Variants in GUCY2D observed in about 807,000 individuals in gnomAD.
GUCY2D encodes retinal guanylyl cyclase 1.
In GUCY2D, 70 loss-of-function variants were observed where a neutral mutation model predicts 101.3. The ratio of observed to expected loss-of-function variants is 0.69; its 90% CI spans 0.57 to 0.84. The LOEUF is 0.84. GUCY2D is among the 40% of genes least tolerant of loss of function. The probability of loss-of-function intolerance (pLI) is 0.00; values close to 1 mark genes in which losing one functional copy is unlikely to be tolerated. For synonymous variants in GUCY2D, 688 were observed against 670.7 expected (o/e 1.03, Z -0.40); for missense variants, 1,460 against 1,542.5 (o/e 0.95, Z 0.90).
Position 8,014,308 on chromosome 17 carries a change from G to C in GUCY2D, c.2412+280G>C. On this transcript the variant is annotated intron_variant, in intron 12 of 19. Transcript: ENST00000254854. The surrounding 1 kb of genome is among the most constrained non-coding windows in gnomAD (Gnocchi z 4.0). The stretch of plus-strand genomic sequence containing the variant: ...ACCAAGTATGTGCTTGGCCTGCTGT[G>C]ACAGAAAGACCCTTGGCCTGGGAGC... 1.7e-6 allele frequency: 1 copy of C among 601,718 alleles called. No individual in the cohort carries two copies. The highest frequency in any genetic ancestry group is 2.0e-5 in the South Asian group (1 of 51,256). The allele number at this position is 601,718 out of a possible 1,614,324, so 37.3% of individuals were successfully genotyped here. A position where few individuals can be genotyped will look rare whatever the true frequency, so the allele number is the denominator to read the frequency against.
Position 8,003,556 on chromosome 17 carries a change from A to T in GUCY2D, c.509A>T (p.Asp170Val). 6.4e-7 allele frequency: 1 copy of T among 1,572,346 alleles called. No homozygotes were observed. Among genetic ancestry groups the T allele is most frequent in the South Asian group, 1.1e-5 (1 of 87,568 alleles). Residue 170 changes from aspartate (D) to valine (V), a missense_variant, in exon 2 of 20, where the codon GAT becomes GTT. Transcript: ENST00000254854. ...GCCCCTGCCGTGACCCCCGCCGCGG[A>T]TGCCCTCTACGCCCTGCTTCGCGCA... is the stretch of plus-strand genomic sequence containing the variant. ...TTAPAVTPAA[D>V]ALYALLRAFG... is the part of the protein sequence containing the mutation.
intron 15 of GUCY2D, 63 bp from the exon 16 acceptor site, chr17:8,015,680 C>A: frequency 7.6e-7 from 1 of 1,319,418 alleles, no homozygotes. Context: ...TCCCCCGAGG[C>A]CCTACCTAGG....
intron 8 of GUCY2D, among the ~76,000 whole-genome samples, chr17:8,010,808 CAAAAAAA>C (rs566986521): frequency 2.5e-4 from 18 of 71,674 alleles, no homozygotes; most frequent in East Asian, 5.4e-4. Flanking sequence ...GATTCCGTCT[CAAAAAAA>C]AAAAAAAAAA....
intron 3 of GUCY2D, among the ~76,000 whole-genome samples, chr17:8,006,001 TGCTGG>T (rs1352412158): frequency 6.6e-6 from 1 of 152,194 alleles, no homozygotes; most frequent in Non-Finnish European, 1.5e-5. Flanking sequence ...TAAAACTATA[TGCTGG>T]GCAACCAACA....
Position 8,004,273 on chromosome 17 carries a change from G to A in GUCY2D, c.1026+117G>A. The A allele has an allele frequency of 4.2e-6, 4 of 956,050 alleles. 1 individual carries two copies. The highest frequency in any genetic ancestry group is 1.7e-5 in the South Asian group (1 of 58,350). The allele number at this position is 956,050 out of a possible 1,614,324, so 59.2% of individuals were successfully genotyped here. On this transcript the variant is annotated intron_variant, in intron 3 of 19. Coordinates refer to ENST00000254854, the MANE Select transcript of GUCY2D (RefSeq NM_000180.4). ...CCACTGGCAGCTCTAGCTGTTTGGA[G>A]TTTCCTGGGTAATGTAGAGGCTCTG...
In GUCY2D at chr17:8,012,212, C is replaced by T. The variant is rs776563297; in HGVS notation, c.1818C>T (p.Gly606=). Residue 606 remains glycine, a synonymous_variant, in exon 9 of 20, where the codon GGC becomes GGT. Transcript: ENST00000254854. ...TTTTCCTGGCTCGGGGAGCAGAAGG[C>T]CCTGCGGCCCTCTGGGAGGGCAACC... ...LGLFLARGAE[G]PAALWEGNLA... is the part of the protein sequence containing the mutation. 1.9e-6 allele frequency: 3 copies of T among 1,614,090 alleles called. No individual in the cohort carries two copies. The South Asian group carries it at 3.3e-5, about 18-fold the overall frequency.
intron 3 of GUCY2D, 47 bp downstream of exon 3, chr17:8,004,203 G>A: frequency 6.6e-7 from 1 of 1,506,962 alleles, no homozygotes; most frequent in Non-Finnish European, 8.9e-7. Context: ...GAGGGGAGAG[G>A]ACAGCCAAAG....
In GUCY2D at chr17:8,012,345, A is replaced by G. The variant is rs1251109440; in HGVS notation, c.1951A>G (p.Ile651Val). The change falls in exon 9 of 20, where the codon ATC becomes GTC. Residue 651 changes from isoleucine (I) to valine (V), a missense_variant. This residue lies in a region of GUCY2D where 1,196 missense variants were observed against 1,229.6 expected (regional missense o/e 0.97). Transcript: ENST00000254854. ...CAAGTCCTCCCTCCTGCTGGACCTT[A>G]TCAAGGTGTGTGTCTGGGGGTGGTG... ...MFKSSLLLDL[I>V]KGIRYLHHRG... 1.2e-6 allele frequency: 2 copies of G among 1,612,638 alleles called. No homozygotes were observed. Among genetic ancestry groups the G allele is most frequent in the South Asian group, 1.1e-5 (1 of 91,046 alleles).
chr17:8,014,051 G>A lies in GUCY2D; in HGVS notation c.2412+23G>A. 6.2e-7 allele frequency: 1 copy of A among 1,606,476 alleles called. No individual in the cohort carries two copies. Among genetic ancestry groups the A allele is most frequent in the Non-Finnish European group, 8.5e-7 (1 of 1,176,448 alleles). On this transcript the variant is annotated intron_variant, in intron 12 of 19. Transcript: ENST00000254854. This position sits in a 1 kb window ranked among gnomAD's most constrained non-coding sequence, Gnocchi z 4.0. Reference sequence around the variant, plus strand: ...CTGGTCAGGGGCTGGGAGTGGGCAAGGACTGGGCTGGCCTCTGGGATCCCA... The same window carrying A: ...CTGGTCAGGGGCTGGGAGTGGGCAAAGACTGGGCTGGCCTCTGGGATCCCA...
At position 8,016,190 on chromosome 17, in the gene GUCY2D, C is replaced by T. The variant is rs1462209141; in HGVS notation, c.3139-15C>T. ...CCAGTCCGCCTAAGTCCTTCCCTCT[C>T]CCATGTCTCCCCAGGGCAAGGGCGC... On this transcript the variant is annotated splice_polypyrimidine_tract_variant and intron_variant, in intron 17 of 19. Transcript: ENST00000254854. The T allele has an allele frequency of 6.4e-7, 1 of 1,556,980 alleles. No individual in the cohort carries two copies.
intron 19 of GUCY2D, chr17:8,016,874 T>G: frequency 3.7e-6 from 1 of 268,420 alleles, no homozygotes; most frequent in South Asian, 5.9e-5. Flanking sequence ...AAGAGACAAC[T>G]CTAGGGGGCA....
At position 8,006,424 on chromosome 17, in the gene GUCY2D, A is replaced by G; in HGVS notation, c.1088A>G (p.Glu363Gly). 1 of 1,603,176 alleles carries G rather than the reference A, an allele frequency of 6.2e-7. No individual in the cohort carries two copies. The highest frequency in any genetic ancestry group is 1.1e-5 in the South Asian group (1 of 91,086). Residue 363 changes from glutamate to glycine, a missense_variant, in exon 4 of 20, where the codon GAA becomes GGA. Around this residue, in one of 3 missense-constraint regions of GUCY2D, gnomAD observed 1,196 missense variants for 1,229.6 expected, o/e 0.97. Coordinates refer to ENST00000254854, the MANE Select transcript of GUCY2D (RefSeq NM_000180.4). ...AVFLLARGVA[E>G]ARAAAGGRWV... ...TTCTTGCTGGCAAGGGGCGTGGCAG[A>G]AGCGCGGGCTGCCGCAGGTGGCAGA...
chr17:8,015,131 C>G, intron 14 of GUCY2D, 80 bp downstream of exon 14: 1 of 1,242,358 alleles, frequency 8.0e-7, no homozygotes, highest in East Asian at 2.4e-5. Context: ...CTGCGCAGCC[C>G]CTAGCCTACC....
chr17:8,014,181 G>A lies in GUCY2D; in HGVS notation c.2412+153G>A. The stretch of plus-strand genomic sequence containing the variant: ...GTAGCCTGAAGACTCGGAGTTTGGG[G>A]GCAGAATTGGAATGGGGGCTGTGGA... On this transcript the variant is annotated intron_variant, in intron 12 of 19. Transcript: ENST00000254854. This position sits in a 1 kb window ranked among gnomAD's most constrained non-coding sequence, Gnocchi z 4.0. The A allele has an allele frequency of 1.4e-6, 1 of 735,096 alleles. No homozygotes were observed. The highest frequency in any genetic ancestry group is 2.4e-6 in the Non-Finnish European group (1 of 417,646). The allele number at this position is 735,096 out of a possible 1,614,324, so 45.5% of individuals were successfully genotyped here. A position where few individuals can be genotyped will look rare whatever the true frequency, so the allele number is the denominator to read the frequency against.
Position 8,003,694 on chromosome 17 carries a change from C to T in GUCY2D, c.647C>T (p.Thr216Ile), listed in dbSNP as rs747354016. Residue 216 changes from threonine (T) to isoleucine (I), a missense_variant, in exon 2 of 20, where the codon ACT (threonine) becomes ATT (isoleucine). By Grantham distance (89) the Thr-to-Ile change is moderately conservative. Coordinates refer to ENST00000254854, the MANE Select transcript of GUCY2D (RefSeq NM_000180.4). ...RARGLPVASV[T>I]SMEPLDLSGA... ...CGGGGCCTGCCTGTCGCCTCCGTGA[C>T]TTCCATGGAGCCCTTGGACCTGTCT... The T allele has an allele frequency of 2.6e-5, 41 of 1,597,916 alleles. No individual in the cohort carries two copies. In the South Asian group the frequency reaches 3.8e-4, roughly 15 times the overall value.
rs200558780 is a variant in GUCY2D at position 8,012,378 on chromosome 17, G to A, written c.1956+28G>A. ...GTGTGTCTGGGGGTGGTGGGGTGAC[G>A]TCCTGGGGGCAGGGATGGGGAGCAA... On this transcript the variant is annotated intron_variant, in intron 9 of 19. Transcript: ENST00000254854. 112 of 1,607,506 alleles carry A rather than the reference G, an allele frequency of 7.0e-5. No individual in the cohort carries two copies. In the African/African-American group the frequency reaches 1.2e-3, roughly 17 times the overall value.
chr17:8,006,355 T>C lies in GUCY2D; in HGVS notation c.1027-8T>C. On this transcript the variant is annotated splice_polypyrimidine_tract_variant and splice_region_variant and intron_variant, in intron 3 of 19. Transcript: ENST00000254854. Reference sequence around the variant, plus strand: ...CCCGACCTCTGAGCCCCTACTCTCCTTCTCCAGGTCTCCCCACTCTTTGGC... The same window carrying C: ...CCCGACCTCTGAGCCCCTACTCTCCCTCTCCAGGTCTCCCCACTCTTTGGC... 1 of 1,598,154 alleles carries C rather than the reference T, an allele frequency of 6.3e-7. No individual in the cohort carries two copies. Among genetic ancestry groups the C allele is most frequent in the Non-Finnish European group, 8.5e-7 (1 of 1,178,292 alleles).
At chr17:8,012,682 AC>A in intron 10 of GUCY2D, 76 bp downstream of exon 10, 1 of 1,164,420 alleles carries the variant, frequency 8.6e-7, no homozygotes, top group Non-Finnish European at 1.3e-6. Flanking sequence ...CTTCCTCCCT[AC>A]CTCTGCCCTC....
chr17:8,015,273 G>T (rs773808646), intron 14 of GUCY2D, 55 bp from the exon 15 acceptor site: 1 of 1,522,708 alleles, frequency 6.6e-7, no homozygotes, highest in East Asian at 2.2e-5. Flanking sequence ...CAATCGCTTC[G>T]TGTACTCGGG....
Sources: gnomAD v4.1 joint callset for allele counts (sites outside exome capture counted in the v4.1 genomes callset) on GRCh38, gnomAD v4.1.1 for gene constraint, gnomAD v4.1.1 regional missense constraint, Gnocchi (gnomAD v3.1) non-coding constraint, MANE v1.5 for transcripts, NCBI Gene and HGNC (gene_info 2026-07-23, HGNC 2026-07-21) for gene names.